Variants in NAV3 observed in about 807,000 individuals in gnomAD.
NAV3 encodes the protein neuron navigator 3.
In NAV3, 87 loss-of-function variants were observed where a neutral mutation model predicts 244.7. The ratio of observed to expected loss-of-function variants is 0.36; its 90% CI spans 0.30 to 0.42. NAV3 has a LOEUF of 0.42. NAV3 is among the 20% of genes least tolerant of loss of function. NAV3 has a pLI of 1.00. For synonymous variants in NAV3, 1,126 were observed against 1,042.2 expected (o/e 1.08, Z -1.55); for missense variants, 2,663 against 2,893.3 (o/e 0.92, Z 1.83).
intron 2 of NAV3, among the ~76,000 whole-genome samples, chr12:77,741,135 G>GAAAAAAAAA (rs71088333): frequency 6.6e-5 from 4 of 60,728 alleles, no homozygotes; most frequent in Non-Finnish European, 1.1e-4. Flanking sequence ...AATAGTCAAA[G>GAAAAAAAAA]AAAAAAAAAA....
intron 4 of NAV3, among the ~76,000 whole-genome samples, chr12:77,966,634 G>T (rs1018642434): frequency 6.6e-6 from 1 of 151,904 alleles, no homozygotes; most frequent in African/African-American, 2.4e-5. Flanking sequence ...ATGTTGGATG[G>T]ACATAAATAC....
chr12:78,069,967 T>C (rs954523979), intron 12 of NAV3, among the ~76,000 whole-genome samples: 2 of 152,040 alleles, frequency 1.3e-5, no homozygotes, highest in African/African-American at 4.8e-5. Flanking sequence ...GTCAGTTAGG[T>C]TTTCCTGCTG....
intron 2 of NAV3, among the ~76,000 whole-genome samples, chr12:77,575,507 T>C (rs974681344): frequency 1.3e-5 from 2 of 152,142 alleles, no homozygotes; most frequent in African/African-American, 4.8e-5. Context: ...TGGAGTGTTT[T>C]ATTTTTGATA....
chr12:77,671,956 G>T (rs1399326228), intron 2 of NAV3, among the ~76,000 whole-genome samples: 1 of 152,158 alleles, frequency 6.6e-6, no homozygotes, highest in Non-Finnish European at 1.5e-5. Context: ...ACAATCAGTA[G>T]AGTTAACAGA....
chr12:77,779,302 A>G (rs1208841279), intron 2 of NAV3, among the ~76,000 whole-genome samples: 1 of 152,216 alleles, frequency 6.6e-6, no homozygotes, highest in African/African-American at 2.4e-5. Flanking sequence ...TAACATCTCA[A>G]AGGGTGTAAA....
At chr12:77,624,515 A>G (rs1221537234) in intron 2 of NAV3, among the ~76,000 whole-genome samples, 2 of 152,002 alleles carry the variant, frequency 1.3e-5, no homozygotes, top group African/African-American at 4.8e-5. Flanking sequence ...TGTGGTCTGG[A>G]AAGAGTGAAA....
chr12:77,804,070 C>CTG (rs1479306909), intron 2 of NAV3, among the ~76,000 whole-genome samples: 5 of 151,994 alleles, frequency 3.3e-5, no homozygotes, highest in African/African-American at 1.2e-4. Context: ...TTCTCCCGTT[C>CTG]TGTAGGTTGC....
intron 39 of NAV3, among the ~76,000 whole-genome samples, chr12:78,207,590 T>C (rs1023448365): frequency 6.6e-6 from 1 of 152,166 alleles, no homozygotes; most frequent in East Asian, 1.9e-4. Flanking sequence ...GAATGATTAA[T>C]AGGAGTTCAC....
intron 20 of NAV3, among the ~76,000 whole-genome samples, chr12:78,144,264 A>G (rs776730278): frequency 1.3e-5 from 2 of 152,198 alleles, no homozygotes; most frequent in Non-Finnish European, 2.9e-5. Context: ...ATAACTTTTT[A>G]ATTAATAAAT....
rs577536642 is a variant in NAV3 at position 77,612,885 on chromosome 12, A to C, written c.72+40619A>C. 3.3e-5 allele frequency among the ~76,000 whole-genome samples: 5 copies of C among 152,140 alleles called. No homozygotes were observed. The South Asian group carries it at 6.2e-4, about 19-fold the overall frequency. ...GGGACGGTTCCTCCATGCTGTTCTCATGACAGTGAGTGTGTTCTCATGAGA... is the reference window on the plus strand; with the variant it reads ...GGGACGGTTCCTCCATGCTGTTCTCCTGACAGTGAGTGTGTTCTCATGAGA... On this transcript the variant is annotated intron_variant, in intron 2 of 8. Transcript: ENST00000550042.
chr12:77,924,500 G>A (rs915701979), intron 1 of NAV3, among the ~76,000 whole-genome samples: 1 of 152,058 alleles, frequency 6.6e-6, no homozygotes, highest in South Asian at 2.1e-4. Context: ...GTGGCAGTAG[G>A]GGGACTTCCA....
At chr12:77,955,100 T>G (rs1004491598) in intron 3 of NAV3, among the ~76,000 whole-genome samples, 1 of 152,186 alleles carries the variant, frequency 6.6e-6, no homozygotes, top group African/African-American at 2.4e-5. Flanking sequence ...TCCTTCTGCC[T>G]GATGCCTTCT....
Position 77,954,453 on chromosome 12 carries a change from C to T in NAV3, c.415-11776C>T, listed in dbSNP as rs558061214. On this transcript the variant is annotated intron_variant, in intron 3 of 39. Transcript: ENST00000397909. ...GGTTTAAGTTTTAGTTCTGGCTCTG[C>T]TCCTCATTAATTGTGTAAGCTTATA... Among the ~76,000 whole-genome samples, 5 of 152,296 alleles carry T rather than the reference C, an allele frequency of 3.3e-5. No individual in the cohort carries two copies. The South Asian group carries it at 1.0e-3, about 32-fold the overall frequency.
chr12:77,908,759 A>G (rs1360331457), intron 1 of NAV3, among the ~76,000 whole-genome samples: 2 of 152,060 alleles, frequency 1.3e-5, no homozygotes, highest in Non-Finnish European at 2.9e-5. Flanking sequence ...CAACCCTTCT[A>G]AGAAATTTTT....
At chr12:77,664,347 C>CTT (rs772381697) in intron 2 of NAV3, among the ~76,000 whole-genome samples, 8 of 152,132 alleles carry the variant, frequency 5.3e-5, no homozygotes, top group Non-Finnish European at 1.0e-4. Flanking sequence ...TGAGGTACTG[C>CTT]TTAATGTATT....
At chr12:78,132,038 T>C (rs904632369) in intron 18 of NAV3, among the ~76,000 whole-genome samples, 3 of 152,170 alleles carry the variant, frequency 2.0e-5, no homozygotes, top group African/African-American at 7.2e-5. Context: ...CAAGGACTCA[T>C]TTACCACAAA....
chr12:78,013,190 C>T (rs1296041060), intron 8 of NAV3, among the ~76,000 whole-genome samples: 1 of 152,116 alleles, frequency 6.6e-6, no homozygotes, highest in Non-Finnish European at 1.5e-5. Flanking sequence ...CTAAATATCT[C>T]TTATGCATGA....
intron 2 of NAV3, among the ~76,000 whole-genome samples, chr12:77,609,199 TCAAAAC>T (rs1000629058): frequency 4.6e-5 from 7 of 152,000 alleles, no homozygotes; most frequent in Admixed American, 3.3e-4. Context: ...AATTAAAGAA[TCAAAAC>T]CAAAACCAAA....
intron 12 of NAV3, among the ~76,000 whole-genome samples, chr12:78,074,107 T>A (rs1396256492): frequency 1.3e-5 from 2 of 152,144 alleles, no homozygotes; most frequent in Non-Finnish European, 2.9e-5. Flanking sequence ...GAATTGTAAC[T>A]GATTTAGCAG....
Sources: allele counts gnomAD v4.1 joint callset (sites outside exome capture counted in the v4.1 genomes callset), GRCh38; gene constraint gnomAD v4.1.1; transcripts MANE v1.5; gene names NCBI Gene and HGNC (gene_info 2026-07-23, HGNC 2026-07-21).